Variants in BRINP3 observed in about 807,000 individuals in gnomAD.
The protein encoded by BRINP3 is BMP/retinoic acid inducible neural specific 3, also known as BMP/retinoic acid-inducible neural-specific protein 3.
In BRINP3, 19 loss-of-function variants were observed where a neutral mutation model predicts 71.0. The observed-to-expected ratio is 0.27, with a 90% CI of 0.19 to 0.39. BRINP3 has a LOEUF of 0.39. Among genes scored for constraint, BRINP3 ranks in the 10% least tolerant of loss-of-function variants. BRINP3 has a pLI of 1.00. For synonymous variants in BRINP3, 380 were observed against 337.7 expected (o/e 1.13, Z -1.37); for missense variants, 959 against 940.8 (o/e 1.02, Z -0.25).
At chr1:190,400,348 T>A (rs1671842552) in intron 2 of BRINP3, among the ~76,000 whole-genome samples, 1 of 152,176 alleles carries the variant, frequency 6.6e-6, no homozygotes, top group Non-Finnish European at 1.5e-5. Flanking sequence ...TAAGACAATG[T>A]CAAAGTATTT....
At chr1:190,123,829 C>T (rs917223196) in intron 7 of BRINP3, among the ~76,000 whole-genome samples, 9 of 152,022 alleles carry the variant, frequency 5.9e-5, no homozygotes, top group Non-Finnish European at 1.3e-4. Flanking sequence ...CATTGGTAAG[C>T]GCTCTCTTTT....
intron 2 of BRINP3, among the ~76,000 whole-genome samples, chr1:190,328,970 C>T (rs748732342): frequency 6.6e-5 from 10 of 151,978 alleles, no homozygotes; most frequent in Non-Finnish European, 7.4e-5. Context: ...AATAATCCAA[C>T]GTTGCTTCAT....
chr1:190,395,003 T>C (rs1222565401), intron 2 of BRINP3, among the ~76,000 whole-genome samples: 2 of 151,716 alleles, frequency 1.3e-5, no homozygotes, highest in African/African-American at 2.4e-5. Flanking sequence ...GTCTTGTACA[T>C]TGCACTTTTA....
intron 7 of BRINP3, among the ~76,000 whole-genome samples, chr1:190,106,705 A>AC (rs1652200549): frequency 6.6e-6 from 1 of 151,708 alleles, no homozygotes; most frequent in Admixed American, 6.6e-5. Flanking sequence ...GTTTTAGGGT[A>AC]CCTGTGCACA....
Position 190,438,524 on chromosome 1 carries a change from T to C in BRINP3, c.236+16131A>G, listed in dbSNP as rs184546709. Among the ~76,000 whole-genome samples the C allele has an allele frequency of 2.0e-5, 3 of 151,948 alleles. No individual in the cohort carries two copies. The East Asian group carries it at 5.8e-4, about 29-fold the overall frequency. ...CTTATACTGTAGCTATAAAAAGCCA[T>C]CATGAAGCTTGACTTGTAGCTTATG... On this transcript the variant is annotated intron_variant, in intron 2 of 7. Coordinates refer to ENST00000367462, the MANE Select transcript of BRINP3 (RefSeq NM_199051.3).
chr1:190,406,993 G>A (rs935050285), intron 2 of BRINP3, among the ~76,000 whole-genome samples: 1 of 152,146 alleles, frequency 6.6e-6, no homozygotes, highest in Non-Finnish European at 1.5e-5. Context: ...GTGGATGTAT[G>A]TCACAGCAGG....
rs187914548 is a variant in BRINP3 at position 190,213,043 on chromosome 1, G to T, written c.961+13039C>A. On this transcript the variant is annotated intron_variant, in intron 6 of 7. Coordinates refer to ENST00000367462, the MANE Select transcript of BRINP3 (RefSeq NM_199051.3). ...ATTCAGTGGATCATGAAGGTGTCAA[G>T]TACCCTTTAGAAGAGGCTGAAATGG... 2.0e-5 allele frequency among the ~76,000 whole-genome samples: 3 copies of T among 152,086 alleles called. No homozygotes were observed. In the East Asian group the frequency reaches 5.8e-4, roughly 30 times the overall value.
chr1:190,402,110 T>C (rs1671966467), intron 2 of BRINP3, among the ~76,000 whole-genome samples: 1 of 152,104 alleles, frequency 6.6e-6, no homozygotes, highest in Non-Finnish European at 1.5e-5. Flanking sequence ...AATAATCTTT[T>C]ACTCTTGAAA....
intron 4 of BRINP3, among the ~76,000 whole-genome samples, chr1:190,253,931 ATTAATTT>A (rs1474165208): frequency 6.6e-6 from 1 of 152,176 alleles, no homozygotes; most frequent in African/African-American, 2.4e-5. Context: ...TTCATCTTGA[ATTAATTT>A]TTGTATAAGG....
intron 6 of BRINP3, among the ~76,000 whole-genome samples, chr1:190,220,977 T>C (rs1656834447): frequency 6.6e-6 from 1 of 152,100 alleles, no homozygotes; most frequent in Admixed American, 6.6e-5. Context: ...ATAGCAACTT[T>C]CTAAGAGATA....
At chr1:190,143,032 C>T (rs1655589616) in intron 7 of BRINP3, among the ~76,000 whole-genome samples, 1 of 152,062 alleles carries the variant, frequency 6.6e-6, no homozygotes, top group Non-Finnish European at 1.5e-5. Context: ...AGCCTAGCTA[C>T]CCAATTTCCT....
chr1:190,196,345 T>G (rs985920374), intron 6 of BRINP3, among the ~76,000 whole-genome samples: 26 of 152,152 alleles, frequency 1.7e-4, no homozygotes, highest in Non-Finnish European at 2.6e-4. Flanking sequence ...TCAAATTGCT[T>G]GTTCAACACC....
rs561390738 is a variant in BRINP3, at chr1:190,438,280, T to C, written c.236+16375A>G. 1.2e-4 allele frequency among the ~76,000 whole-genome samples: 18 copies of C among 151,628 alleles called. 1 individual carries two copies. In the South Asian group the frequency reaches 3.7e-3, roughly 31 times the overall value. On this transcript the variant is annotated intron_variant, in intron 2 of 7. Transcript: ENST00000367462. Reference sequence around the variant, plus strand: ...AAAATATTTCTATAATTAAAAACTATAAAAATAACTAAAATATTATACAAG... The same window carrying C: ...AAAATATTTCTATAATTAAAAACTACAAAAATAACTAAAATATTATACAAG...
intron 2 of BRINP3, chr1:190,362,405 T>G (rs539996588): frequency 2.6e-5 from 4 of 151,994 alleles, no homozygotes; most frequent in African/African-American, 9.6e-5. Context: ...TAGGATATTA[T>G]GCCTAAGCTA....
At chr1:190,124,534 A>G (rs12240154) in intron 7 of BRINP3, among the ~76,000 whole-genome samples, 8,016 of 152,212 alleles carry the variant, frequency 0.053, 710 homozygotes, top group African/African-American at 0.18. Context: ...TGCTTAACAA[A>G]TACTTATTAA....
At chr1:190,354,573 T>A (rs1668607922) in intron 2 of BRINP3, among the ~76,000 whole-genome samples, 1 of 151,992 alleles carries the variant, frequency 6.6e-6, no homozygotes, top group Non-Finnish European at 1.5e-5. Context: ...TGGTTAAGAA[T>A]TTTAAAATTA....
chr1:190,307,033 C>T (rs1033647976), intron 2 of BRINP3, among the ~76,000 whole-genome samples: 2 of 151,502 alleles, frequency 1.3e-5, no homozygotes, highest in African/African-American at 4.8e-5. Context: ...ATTGTTTAAA[C>T]TCTTGAGTGT....
intron 2 of BRINP3, among the ~76,000 whole-genome samples, chr1:190,385,401 C>A (rs1047054779): frequency 6.6e-6 from 1 of 151,782 alleles, no homozygotes; most frequent in African/African-American, 2.4e-5. Flanking sequence ...ACAAACAACC[C>A]CATCAAAAAG....
intron 2 of BRINP3, among the ~76,000 whole-genome samples, chr1:190,432,306 C>T (rs1264732845): frequency 6.6e-6 from 1 of 152,034 alleles, no homozygotes; most frequent in African/African-American, 2.4e-5. Context: ...TTCTGGTTGC[C>T]ATTTAGAGGT....
Sources: allele counts gnomAD v4.1 joint callset (sites outside exome capture counted in the v4.1 genomes callset), GRCh38; gene constraint gnomAD v4.1.1; transcripts MANE v1.5; gene names NCBI Gene and HGNC (gene_info 2026-07-23, HGNC 2026-07-21).